The following SKAP1 variants were observed in gnomAD, a reference collection of about 807,000 sequenced individuals.
SKAP1 encodes the protein src kinase-associated phosphoprotein 1.
In SKAP1, 44 loss-of-function variants were observed where a neutral mutation model predicts 58.5. The observed-to-expected ratio is 0.75, with a 90% CI of 0.59 to 0.97. The LOEUF is 0.97. SKAP1 is among the 50% of genes least tolerant of loss of function. SKAP1 has a pLI of 0.00. For missense variants in SKAP1, 390 were observed against 435.2 expected (o/e 0.90, Z 0.92); for synonymous variants, 127 against 149.7 (o/e 0.85, Z 1.11).
At chr17:48,241,618 G>A (rs935225454) in intron 4 of SKAP1, among the ~76,000 whole-genome samples, 4 of 151,972 alleles carry the variant, frequency 2.6e-5, no homozygotes, top group African/African-American at 7.3e-5. Flanking sequence ...TTCCTCTCTC[G>A]GGGAAGGCCT....
chr17:48,362,972 C>G (rs2066954562), intron 3 of SKAP1, among the ~76,000 whole-genome samples: 1 of 151,920 alleles, frequency 6.6e-6, no homozygotes, highest in Non-Finnish European at 1.5e-5. Context: ...AAAATAAAGC[C>G]CCTCCATTTA....
At chr17:48,396,405 A>G (rs1360119751) in intron 2 of SKAP1, among the ~76,000 whole-genome samples, 1 of 152,242 alleles carries the variant, frequency 6.6e-6, no homozygotes, top group African/African-American at 2.4e-5. Flanking sequence ...TTTTAGTTAA[A>G]TGCAAAAGTG....
intron 4 of SKAP1, among the ~76,000 whole-genome samples, chr17:48,266,928 C>G (rs1321233268): frequency 2.6e-5 from 4 of 152,240 alleles, no homozygotes; most frequent in Middle Eastern, 3.4e-3. Context: ...CAAATATACA[C>G]GAATTTTCTT....
intron 2 of SKAP1, among the ~76,000 whole-genome samples, chr17:48,378,419 C>G (rs1223062806): frequency 6.6e-6 from 1 of 152,114 alleles, no homozygotes; most frequent in African/African-American, 2.4e-5. Context: ...AGGTAATGCA[C>G]GTAAAGAACC....
chr17:48,143,419 C>T (rs554872173), intron 11 of SKAP1, among the ~76,000 whole-genome samples: 375 of 151,794 alleles, frequency 2.5e-3, no homozygotes, highest in African/African-American at 8.6e-3. Context: ...GCAATGTTGC[C>T]TAGGCTAGCC....
At chr17:48,392,038 CA>C (rs1224883876) in intron 2 of SKAP1, among the ~76,000 whole-genome samples, 4 of 152,036 alleles carry the variant, frequency 2.6e-5, no homozygotes, top group Non-Finnish European at 1.5e-5. Context: ...ATTATATTTA[CA>C]GTATACTACT....
At chr17:48,394,798 CAA>C (rs1257581933) in intron 2 of SKAP1, among the ~76,000 whole-genome samples, 1 of 152,088 alleles carries the variant, frequency 6.6e-6, no homozygotes, top group Admixed American at 6.6e-5. Flanking sequence ...TTCAGGAAAA[CAA>C]GGGTTACATT....
At chr17:48,238,809 G>A (rs2065211467) in intron 4 of SKAP1, among the ~76,000 whole-genome samples, 1 of 152,170 alleles carries the variant, frequency 6.6e-6, no homozygotes, top group Non-Finnish European at 1.5e-5. Context: ...TGTGATCCTT[G>A]TCACACTTTA....
intron 3 of SKAP1, among the ~76,000 whole-genome samples, chr17:48,348,159 A>G (rs1195161438): frequency 6.6e-6 from 1 of 151,926 alleles, no homozygotes; most frequent in Non-Finnish European, 1.5e-5. Flanking sequence ...GGGCAACATG[A>G]CAATACCCCA....
chr17:48,136,731 G>A (rs570604700), intron 12 of SKAP1, among the ~76,000 whole-genome samples: 13 of 148,932 alleles, frequency 8.7e-5, no homozygotes, highest in African/African-American at 3.2e-4. Flanking sequence ...CTGGAGTCCA[G>A]TGGTGTGATC....
At chr17:48,383,140 C>A (rs754502392) in intron 2 of SKAP1, among the ~76,000 whole-genome samples, 2 of 152,202 alleles carry the variant, frequency 1.3e-5, no homozygotes, top group Non-Finnish European at 2.9e-5. Context: ...GGTCTATAAT[C>A]CTCACCCGGC....
chr17:48,280,850 T>C (rs1270223126), intron 4 of SKAP1, among the ~76,000 whole-genome samples: 1 of 152,222 alleles, frequency 6.6e-6, no homozygotes, highest in African/African-American at 2.4e-5. Context: ...ATCAGTAGTT[T>C]ATCCCTTTTT....
At chr17:48,315,357 G>T (rs2066274705) in intron 4 of SKAP1, among the ~76,000 whole-genome samples, 1 of 152,116 alleles carries the variant, frequency 6.6e-6, no homozygotes, top group Non-Finnish European at 1.5e-5. Flanking sequence ...ATATGCATGT[G>T]TGCTTCCCTG....
intron 6 of SKAP1, among the ~76,000 whole-genome samples, chr17:48,185,758 A>G (rs2064442277): frequency 6.6e-6 from 1 of 152,232 alleles, no homozygotes; most frequent in Admixed American, 6.5e-5. Flanking sequence ...CACCTGGTTG[A>G]GCTAAAAGAA....
chr17:48,336,123 C>T (rs2066565820), intron 4 of SKAP1, among the ~76,000 whole-genome samples: 1 of 152,114 alleles, frequency 6.6e-6, no homozygotes, highest in Admixed American at 6.5e-5. Context: ...GTCTATAAAA[C>T]CCTCTTAACT....
At chr17:48,414,667 A>T (rs2067711059) in intron 1 of SKAP1, among the ~76,000 whole-genome samples, 1 of 152,164 alleles carries the variant, frequency 6.6e-6, no homozygotes, top group Admixed American at 6.5e-5. Context: ...TCAGCAAGTC[A>T]GGGTAGGAAA....
chr17:48,274,920 G>A (rs1256974311), intron 4 of SKAP1, among the ~76,000 whole-genome samples: 1 of 151,944 alleles, frequency 6.6e-6, no homozygotes, highest in Non-Finnish European at 1.5e-5. Context: ...TCCCTTCCAA[G>A]GCCAACCATT....
chr17:48,406,378 T>C (rs2067584297), intron 1 of SKAP1, among the ~76,000 whole-genome samples: 1 of 152,018 alleles, frequency 6.6e-6, no homozygotes, highest in South Asian at 2.1e-4. Flanking sequence ...ATCAATAATT[T>C]CTTAAAAATT....
chr17:48,193,671 C>A, intron 4 of SKAP1: 1 of 984,380 alleles, frequency 1.0e-6, no homozygotes, highest in Non-Finnish European at 1.2e-6. Flanking sequence ...TCAGTGTCAG[C>A]GCAGGGTCCT....
Sources: gnomAD v4.1 joint callset for allele counts (sites outside exome capture counted in the v4.1 genomes callset) on GRCh38, gnomAD v4.1.1 for gene constraint, MANE v1.5 for transcripts, NCBI Gene and HGNC (gene_info 2026-07-23, HGNC 2026-07-21) for gene names.